Variants in TUSC3 observed in about 807,000 individuals in gnomAD.
The protein encoded by TUSC3 is tumor suppressor candidate 3.
A neutral mutation model predicts 44.8 loss-of-function variants in TUSC3; 45 were observed. The ratio of observed to expected loss-of-function variants is 1.00; its 90% CI spans 0.79 to 1.29. The LOEUF is 1.29. TUSC3 is among the 50% of genes most tolerant of loss of function. The pLI, the probability that TUSC3 is intolerant of heterozygous loss-of-function variation, is 0.00. For missense variants in TUSC3, 519 were observed against 437.9 expected (o/e 1.19, Z -1.65); for synonymous variants, 212 against 152.9 (o/e 1.39, Z -2.85).
intron 1 of TUSC3, among the ~76,000 whole-genome samples, chr8:15,576,279 G>GTTTTTTTTTTTTTTT (rs1175068882): frequency 2.9e-5 from 3 of 104,790 alleles, no homozygotes; most frequent in South Asian, 3.0e-4. Flanking sequence ...TGGTCCTCTT[G>GTTTTTTTTTTTTTTT]TTTTTTTTTT....
At chr8:15,835,914 A>C in the TUSC3 span, among the ~76,000 whole-genome samples, 4 of 152,074 alleles carry the variant, frequency 2.6e-5, no homozygotes, top group African/African-American at 9.7e-5. Flanking sequence ...TTACATTCAA[A>C]GATTTTGCTT....
intron 6 of TUSC3, among the ~76,000 whole-genome samples, chr8:15,706,607 A>C (rs1809624751): frequency 6.6e-6 from 1 of 152,074 alleles, no homozygotes; most frequent in Non-Finnish European, 1.5e-5. Context: ...AAAAGATAAC[A>C]GTATTATCAA....
intron 1 of TUSC3, among the ~76,000 whole-genome samples, chr8:15,619,142 A>G (rs1010476718): frequency 3.3e-5 from 5 of 152,240 alleles, no homozygotes; most frequent in African/African-American, 4.8e-5. Flanking sequence ...GCCTAGTTTA[A>G]GTGAGAAATG....
At chr8:15,653,619 C>T (rs1299915042) in intron 3 of TUSC3, among the ~76,000 whole-genome samples, 3 of 151,310 alleles carry the variant, frequency 2.0e-5, no homozygotes, top group Admixed American at 2.0e-4. Context: ...TTCCCAAAAT[C>T]TAGTCCTTGG....
chr8:15,452,648 G>A lies in TUSC3; in HGVS notation n.92-30738G>A, dbSNP rs112898780. On this transcript the variant is annotated intron_variant and non_coding_transcript_variant, in intron 1 of 5. Coordinates refer to the TUSC3 transcript ENST00000503191. ...TGCCTTGCTTTGTAGTCCAGGACAC[G>A]TAGCTCTCCTGCACAAATAGTCTTT... Among the ~76,000 whole-genome samples, 83 of 152,242 alleles carry A rather than the reference G, an allele frequency of 5.5e-4. No homozygotes were observed. The East Asian group carries it at 0.013, about 24-fold the overall frequency.
the TUSC3 span, among the ~76,000 whole-genome samples, chr8:15,799,434 C>T: frequency 6.6e-5 from 10 of 152,086 alleles, no homozygotes; most frequent in African/African-American, 2.4e-5. Flanking sequence ...TTCAGTGCAC[C>T]GGATTGACCA....
the TUSC3 span, among the ~76,000 whole-genome samples, chr8:15,838,876 T>C: frequency 6.6e-6 from 1 of 152,156 alleles, no homozygotes; most frequent in African/African-American, 2.4e-5. Flanking sequence ...TAAAGTAGTT[T>C]TTTTCCAATT....
chr8:15,772,067 C>T, the TUSC3 span, among the ~76,000 whole-genome samples: 1 of 151,710 alleles, frequency 6.6e-6, no homozygotes, highest in Non-Finnish European at 1.5e-5. Flanking sequence ...CTAGCCTGGG[C>T]CACAGAGCAA....
chr8:15,616,391 A>G (rs1325168597), intron 1 of TUSC3, among the ~76,000 whole-genome samples: 1 of 152,074 alleles, frequency 6.6e-6, no homozygotes. Context: ...CAGCCTGGCC[A>G]ACATGGCAAA....
chr8:15,750,494 T>C (rs1811650045), intron 9 of TUSC3, among the ~76,000 whole-genome samples: 2 of 152,122 alleles, frequency 1.3e-5, no homozygotes, highest in African/African-American at 2.4e-5. Flanking sequence ...TTTGTTACGA[T>C]AGGAAGAGTT....
intron 7 of TUSC3, among the ~76,000 whole-genome samples, chr8:15,737,042 A>G (rs1810966943): frequency 1.3e-5 from 2 of 152,316 alleles, no homozygotes; most frequent in African/African-American, 2.4e-5. Flanking sequence ...TATAAAGATA[A>G]CATTGCATTT....
At chr8:15,804,630 A>G in the TUSC3 span, among the ~76,000 whole-genome samples, 1 of 152,128 alleles carries the variant, frequency 6.6e-6, no homozygotes, top group African/African-American at 2.4e-5. Flanking sequence ...TAAGATGGCT[A>G]TAGGTGCACA....
Position 15,618,833 on chromosome 8 carries a change from G to C in TUSC3, c.139-4247G>C, listed in dbSNP as rs757740775. ...ATCACCACAAGCACAGGAGTAAAACGGTGTGCTGCAGTGTTACCACGGCTG... is the reference window on the plus strand; with the variant it reads ...ATCACCACAAGCACAGGAGTAAAACCGTGTGCTGCAGTGTTACCACGGCTG... On this transcript the variant is annotated intron_variant, in intron 1 of 10. Transcript: ENST00000503731. Among the ~76,000 whole-genome samples the C allele has an allele frequency of 9.9e-5, 15 of 152,246 alleles. No individual in the cohort carries two copies. In the East Asian group the frequency reaches 1.9e-3, roughly 20 times the overall value.
At chr8:15,505,465 T>C (rs913431809) in intron 2 of TUSC3, among the ~76,000 whole-genome samples, 1 of 152,242 alleles carries the variant, frequency 6.6e-6, no homozygotes, top group Admixed American at 6.5e-5. Context: ...ACCATTTTTA[T>C]TCCTGTTGGT....
At chr8:15,544,749 G>C (rs1366728649) in intron 1 of TUSC3, among the ~76,000 whole-genome samples, 1 of 151,724 alleles carries the variant, frequency 6.6e-6, no homozygotes, top group Non-Finnish European at 1.5e-5. Context: ...AGTTTGCAGT[G>C]ATAACACAGG....
chr8:15,851,458 A>G, the TUSC3 span, among the ~76,000 whole-genome samples: 3 of 152,250 alleles, frequency 2.0e-5, no homozygotes, highest in Non-Finnish European at 4.4e-5. Context: ...TATATGCATT[A>G]CATTGTTTAA....
chr8:15,744,491 T>C (rs1811322090), intron 8 of TUSC3, among the ~76,000 whole-genome samples: 1 of 152,138 alleles, frequency 6.6e-6, no homozygotes, highest in South Asian at 2.1e-4. Flanking sequence ...ATGAGCAGTA[T>C]AGGTATCTGA....
At chr8:15,620,957 CAA>C (rs1281443179) in intron 1 of TUSC3, among the ~76,000 whole-genome samples, 6 of 151,680 alleles carry the variant, frequency 4.0e-5, no homozygotes, top group Non-Finnish European at 5.9e-5. Context: ...TGTAGAAATT[CAA>C]AGAGTATTAA....
chr8:15,554,678 C>T (rs1228429490), intron 1 of TUSC3, among the ~76,000 whole-genome samples: 1 of 147,220 alleles, frequency 6.8e-6, no homozygotes, highest in Non-Finnish European at 1.5e-5. Context: ...TTTCAGCTCA[C>T]TGCAAGCTCT....
Sources: gnomAD v4.1 joint callset for allele counts (sites outside exome capture counted in the v4.1 genomes callset) on GRCh38, gnomAD v4.1.1 for gene constraint, MANE v1.5 for transcripts, NCBI Gene and HGNC (gene_info 2026-07-23, HGNC 2026-07-21) for gene names.